The following ATCAY variants were observed in gnomAD, a reference collection of about 807,000 sequenced individuals.
ATCAY encodes the protein ATCAY kinesin light chain interacting caytaxin, also known as caytaxin.
A neutral mutation model predicts 47.7 loss-of-function variants in ATCAY; 22 were observed. The observed-to-expected ratio is 0.46, with a 90% CI of 0.33 to 0.66. The LOEUF (loss-of-function observed/expected upper bound fraction) is 0.66, where lower values mean the gene tolerates loss of function less well. ATCAY is among the 30% of genes least tolerant of loss of function. ATCAY has a pLI of 0.02. For missense variants in ATCAY, 452 were observed against 515.0 expected, an observed-to-expected ratio of 0.88 and a Z score of 1.18; for synonymous variants, 216 against 207.6, an observed-to-expected ratio of 1.04 and a Z score of -0.35.
chr19:3,918,858 G>A lies in ATCAY; in HGVS notation c.1054G>A (p.Val352Met), dbSNP rs747810041. ...VLPRSEEKPE[V>M]APVENRSALV... ...GCCCAGGTCTGAAGAGAAGCCAGAG[G>A]TGGCACCAGTGGAAAACAGGTAGGT... Residue 352 changes from valine (V) to methionine (M), a missense_variant, in exon 11 of 13, where the codon GTG (valine) becomes ATG (methionine). Coordinates refer to ENST00000450849, the MANE Select transcript of ATCAY (RefSeq NM_033064.5). The A allele has an allele frequency of 6.2e-7, 1 of 1,614,024 alleles. No homozygotes were observed. Among genetic ancestry groups the A allele is most frequent in the Admixed American group, 1.7e-5 (1 of 60,028 alleles).
At chr19:3,924,484 C>T (rs1196278044) in intron 12 of ATCAY, 99 bp from the exon 13 acceptor site, 87 of 1,450,012 alleles carry the variant, frequency 6.0e-5, no homozygotes, top group Admixed American at 1.7e-5. Flanking sequence ...TTCACCCACG[C>T]TGGGTGGGAT....
chr19:3,902,168 A>C (rs899360672), intron 2 of ATCAY, among the ~76,000 whole-genome samples: 1 of 151,798 alleles, frequency 6.6e-6, no homozygotes, highest in Non-Finnish European at 1.5e-5. Flanking sequence ...AAAAAACTAC[A>C]AAAATTAGCC....
chr19:3,901,791 T>A (rs1032353430), intron 2 of ATCAY, among the ~76,000 whole-genome samples: 3 of 151,990 alleles, frequency 2.0e-5, no homozygotes, highest in African/African-American at 4.8e-5. Flanking sequence ...GGTCAGGAGT[T>A]CCAGACCAGC....
chr19:3,910,271 T>C (rs1403257795), intron 7 of ATCAY, among the ~76,000 whole-genome samples: 1 of 152,184 alleles, frequency 6.6e-6, no homozygotes, highest in Non-Finnish European at 1.5e-5. Flanking sequence ...CATTGTAGCC[T>C]GTGTCAGAGC....
intron 12 of ATCAY, among the ~76,000 whole-genome samples, chr19:3,923,930 G>A (rs186215154): frequency 1.2e-4 from 18 of 149,350 alleles, no homozygotes; most frequent in African/African-American, 4.4e-4. Context: ...ATGGTTGGTT[G>A]GATGCATGGA....
At chr19:3,891,486 C>T (rs542059938) in intron 2 of ATCAY, among the ~76,000 whole-genome samples, 32 of 152,070 alleles carry the variant, frequency 2.1e-4, no homozygotes, top group Non-Finnish European at 3.5e-4. Flanking sequence ...ATACCAGTCC[C>T]TTATAGCCTC....
intron 4 of ATCAY, 142 bp downstream of exon 4, chr19:3,905,797 A>G: frequency 1.5e-6 from 1 of 687,390 alleles, no homozygotes; most frequent in Non-Finnish European, 2.4e-6. Flanking sequence ...GGAGATCAAG[A>G]CTGCAGTGAG....
At chr19:3,893,402 T>C (rs1188611720) in intron 2 of ATCAY, among the ~76,000 whole-genome samples, 1 of 151,984 alleles carries the variant, frequency 6.6e-6, no homozygotes, top group Non-Finnish European at 1.5e-5. Context: ...CTGGTCTTGA[T>C]CGCTTGACCT....
intron 8 of ATCAY, 114 bp from the exon 9 acceptor site, chr19:3,913,644 C>A: frequency 1.4e-6 from 1 of 733,196 alleles, no homozygotes; most frequent in South Asian, 1.6e-5. Context: ...TGCACTGGGG[C>A]ATCCTGGAGT....
At chr19:3,882,863 C>CTGGT (rs1052754483) in intron 1 of ATCAY, among the ~76,000 whole-genome samples, 1 of 152,104 alleles carries the variant, frequency 6.6e-6, no homozygotes, top group Admixed American at 6.6e-5. Context: ...GTTGCCCAGG[C>CTGGT]TGGTCTTGAC....
intron 2 of ATCAY, among the ~76,000 whole-genome samples, chr19:3,896,271 T>C (rs899650147): frequency 2.0e-5 from 3 of 150,272 alleles, no homozygotes; most frequent in African/African-American, 7.3e-5. Flanking sequence ...ACATCCCTTT[T>C]TTTTTTTTTT....
At position 3,924,940 on chromosome 19, in the gene ATCAY, A is replaced by T; in HGVS notation, c.*348A>T. On this transcript the variant is annotated 3_prime_UTR_variant, in exon 13 of 13. Coordinates refer to ENST00000450849, the MANE Select transcript of ATCAY (RefSeq NM_033064.5). The stretch of plus-strand genomic sequence containing the variant: ...GCTCCTGCTCGCAGCCTCTGTGGTC[A>T]GAGCTGGATACAAGATTCAAGACCC... The T allele has an allele frequency of 3.7e-6, 1 of 273,478 alleles. No individual in the cohort carries two copies. The allele number at this position is 273,478 out of a possible 1,614,324, so 16.9% of individuals were successfully genotyped here.
intron 12 of ATCAY, 83 bp downstream of exon 12, chr19:3,920,881 C>A: frequency 6.5e-7 from 1 of 1,528,864 alleles, no homozygotes; most frequent in Non-Finnish European, 9.0e-7. Flanking sequence ...TCTAGAAGGA[C>A]AGAAAATCAA....
At chr19:3,905,345 GA>G in intron 3 of ATCAY, 88 bp from the exon 4 acceptor site, 1 of 1,328,718 alleles carries the variant, frequency 7.5e-7, no homozygotes, top group African/African-American at 1.5e-5. Flanking sequence ...ATTCCTGCAT[GA>G]TGAAACAGCT....
At chr19:3,922,037 A>T in intron 12 of ATCAY, 2 of 651,068 alleles carry the variant, frequency 3.1e-6, no homozygotes, top group East Asian at 2.7e-5. Context: ...CCCAGCAGGG[A>T]TGTGTGGCAA....
intron 12 of ATCAY, among the ~76,000 whole-genome samples, chr19:3,924,289 G>C (rs1181890674): frequency 6.6e-6 from 1 of 151,092 alleles, no homozygotes; most frequent in East Asian, 1.9e-4. Context: ...GGATAGATGT[G>C]TGGGTGGTTG....
At chr19:3,906,994 C>T (rs1216888451) in intron 4 of ATCAY, among the ~76,000 whole-genome samples, 6 of 151,322 alleles carry the variant, frequency 4.0e-5, no homozygotes, top group Non-Finnish European at 5.9e-5. Context: ...AGAAATTAGC[C>T]GGGCATGGTG....
At chr19:3,900,895 C>CGT in intron 2 of ATCAY, among the ~76,000 whole-genome samples, 1 of 92,250 alleles carries the variant, frequency 1.1e-5, no homozygotes, top group African/African-American at 4.7e-5. Context: ...TATCCTTCAT[C>CGT]TTTTTTTTTT....
Position 3,908,363 on chromosome 19 carries a change from C to G in ATCAY, c.640C>G (p.Leu214Val). Residue 214 changes from leucine (L) to valine (V), a missense_variant, in exon 6 of 13, where the codon CTC (leucine) becomes GTC (valine). Coordinates refer to ENST00000450849, the MANE Select transcript of ATCAY (RefSeq NM_033064.5). ...CGACTACCACTACATCATGGAGAAC[C>G]TCTTCCTGTGAGTCCCCGCCCGCGG... ...LPDYHYIMENLFLYVISSLEL... is the reference protein window; with the variant it reads ...LPDYHYIMENVFLYVISSLEL... 1 of 1,589,180 alleles carries G rather than the reference C, an allele frequency of 6.3e-7. No individual in the cohort carries two copies. Among genetic ancestry groups the G allele is most frequent in the Non-Finnish European group, 8.6e-7 (1 of 1,167,568 alleles).
Sources: allele counts gnomAD v4.1 joint callset (sites outside exome capture counted in the v4.1 genomes callset), GRCh38; gene constraint gnomAD v4.1.1; transcripts MANE v1.5; gene names NCBI Gene and HGNC (gene_info 2026-07-23, HGNC 2026-07-21).